Variants in FGGY observed in about 807,000 individuals in gnomAD.
FGGY encodes FGGY carbohydrate kinase domain containing, also known as FGGY carbohydrate kinase domain-containing protein.
A neutral mutation model predicts 71.3 loss-of-function variants in FGGY; 72 were observed. That is an observed-to-expected ratio of 1.01 (90% CI 0.84 to 1.23). The LOEUF (loss-of-function observed/expected upper bound fraction) is 1.23, where lower values mean the gene tolerates loss of function less well. Among genes scored for constraint, FGGY ranks in the 50% most tolerant of loss-of-function variants. The probability of loss-of-function intolerance (pLI) is 0.00; values close to 1 mark genes in which losing one functional copy is unlikely to be tolerated. For missense variants in FGGY, 668 were observed against 682.3 expected, an observed-to-expected ratio of 0.98 and a Z score of 0.23; for synonymous variants, 251 against 250.3, an observed-to-expected ratio of 1.00 and a Z score of -0.02.
intron 14 of FGGY, among the ~76,000 whole-genome samples, chr1:59,751,061 G>A (rs2098241226): frequency 2.6e-5 from 4 of 152,206 alleles, no homozygotes; most frequent in Admixed American, 2.6e-4. Flanking sequence ...TTTCATGACA[G>A]GGAGAATGGT....
intron 5 of FGGY, among the ~76,000 whole-genome samples, chr1:59,384,811 T>TA (rs992217732): frequency 2.0e-5 from 3 of 152,140 alleles, no homozygotes; most frequent in Non-Finnish European, 2.9e-5. Context: ...GTTCTTTTAA[T>TA]AAAAAAAATC....
At chr1:59,602,540 T>C (rs977567418) in intron 8 of FGGY, among the ~76,000 whole-genome samples, 2 of 152,234 alleles carry the variant, frequency 1.3e-5, no homozygotes, top group Non-Finnish European at 2.9e-5. Flanking sequence ...GATGCAAAAC[T>C]ATACCCATCC....
chr1:59,429,291 A>T (rs1302079965), intron 5 of FGGY, among the ~76,000 whole-genome samples: 2 of 152,170 alleles, frequency 1.3e-5, no homozygotes, highest in East Asian at 3.9e-4. Context: ...AAAAAATAAT[A>T]AATATACATG....
At chr1:59,363,435 A>G (rs1197173946) in intron 4 of FGGY, among the ~76,000 whole-genome samples, 1 of 152,200 alleles carries the variant, frequency 6.6e-6, no homozygotes, top group African/African-American at 2.4e-5. Context: ...TGTTCATTTG[A>G]TCCCCCATCA....
chr1:59,664,289 G>C (rs1168238621), intron 12 of FGGY, among the ~76,000 whole-genome samples: 1 of 152,202 alleles, frequency 6.6e-6, no homozygotes, highest in Non-Finnish European at 1.5e-5. Flanking sequence ...ATTTCAGTAG[G>C]GTGGAGTATT....
At chr1:59,446,775 T>C (rs922088602) in intron 5 of FGGY, among the ~76,000 whole-genome samples, 2 of 152,202 alleles carry the variant, frequency 1.3e-5, no homozygotes, top group Non-Finnish European at 2.9e-5. Context: ...GCTGGTTCGA[T>C]TGAGACTCTC....
intron 5 of FGGY, among the ~76,000 whole-genome samples, chr1:59,407,052 A>G (rs1212836859): frequency 1.3e-5 from 2 of 152,132 alleles, no homozygotes; most frequent in Non-Finnish European, 2.9e-5. Context: ...AAGGCAAGAG[A>G]AAGAGAAGCT....
intron 8 of FGGY, among the ~76,000 whole-genome samples, chr1:59,592,683 G>T (rs1198011885): frequency 6.7e-6 from 1 of 150,150 alleles, no homozygotes; most frequent in East Asian, 2.0e-4. Flanking sequence ...ACTATAGCAA[G>T]AACAAAAGAC....
In FGGY at chr1:59,554,149, GCA is replaced by G. The variant is rs1427477020; in HGVS notation, c.827_828del (p.His276ArgfsTer5). 5 of 1,612,776 alleles carry G rather than the reference GCA, an allele frequency of 3.1e-6. No homozygotes were observed. Among genetic ancestry groups the G allele is most frequent in the Non-Finnish European group, 4.2e-6 (5 of 1,178,932 alleles). ...GAGTGATTGGGGCAGATGTGAGAGGGCACGGCCTCATCTGTGAGGGGCAGCCA... is the reference window on the plus strand; with the variant it reads ...GAGTGATTGGGGCAGATGTGAGAGGGCGGCCTCATCTGTGAGGGGCAGCCA... The part of the protein sequence containing the change: ...LGVIGADVRG[H>X]GLICEGQPVT... On this transcript the variant is annotated frameshift_variant, in exon 8 of 16. Transcript: ENST00000303721. LOFTEE classifies it high-confidence loss of function.
At position 59,512,352 on chromosome 1, in the gene FGGY, C is replaced by T. The variant is rs374855684; in HGVS notation, c.712C>T (p.Leu238Phe). Residue 238 changes from leucine to phenylalanine, a missense_variant, in exon 7 of 16, where the codon CTC (leucine) becomes TTC (phenylalanine). Leu to Phe is a conservative substitution (Grantham distance 22). This residue lies in a region of FGGY where 661 missense variants were observed against 661.6 expected (regional missense o/e 1.00). Transcript: ENST00000303721. ...TCCTGGAGCTTCTCTTGGAAATGGGCTCACACCAGAGGCAGCAAGAGACCT... is the reference window on the plus strand; with the variant it reads ...TCCTGGAGCTTCTCTTGGAAATGGGTTCACACCAGAGGCAGCAAGAGACCT... ...LPPGASLGNG[L>F]TPEAARDLGL... 1.2e-5 allele frequency: 19 copies of T among 1,613,350 alleles called. No homozygotes were observed. In the African/African-American group the frequency reaches 2.5e-4, roughly 22 times the overall value.
At chr1:59,385,033 A>T (rs1051437427) in intron 5 of FGGY, among the ~76,000 whole-genome samples, 7 of 152,144 alleles carry the variant, frequency 4.6e-5, no homozygotes, top group Non-Finnish European at 7.4e-5. Flanking sequence ...GGTCTTTTTT[A>T]AAAATACGTT....
intron 2 of FGGY, among the ~76,000 whole-genome samples, chr1:59,333,129 A>G (rs2048824518): frequency 6.6e-6 from 1 of 152,224 alleles, no homozygotes; most frequent in Non-Finnish European, 1.5e-5. Context: ...TTTGGACACC[A>G]CATCCTGTGT....
intron 9 of FGGY, 57 bp downstream of exon 9, chr1:59,607,967 A>G (rs1401867320): frequency 1.4e-6 from 2 of 1,408,292 alleles, no homozygotes; most frequent in Non-Finnish European, 1.0e-6. Context: ...TGATTAGTCC[A>G]TTTTGTCACA....
At chr1:59,600,160 G>T (rs1241840192) in intron 8 of FGGY, among the ~76,000 whole-genome samples, 3 of 152,114 alleles carry the variant, frequency 2.0e-5, no homozygotes, top group Admixed American at 1.3e-4. Flanking sequence ...AATGATGAAG[G>T]GCTGGACTAA....
intron 14 of FGGY, among the ~76,000 whole-genome samples, chr1:59,733,994 G>C (rs1188384092): frequency 6.6e-6 from 1 of 152,188 alleles, no homozygotes; most frequent in Non-Finnish European, 1.5e-5. Flanking sequence ...GGTGACAGTA[G>C]CTCTGGCTTC....
At chr1:59,612,337 A>T (rs200794536) in intron 9 of FGGY, among the ~76,000 whole-genome samples, 2 of 152,238 alleles carry the variant, frequency 1.3e-5, no homozygotes, top group Non-Finnish European at 2.9e-5. Flanking sequence ...GTGGGGGCCA[A>T]TATTCAACAT....
chr1:59,302,707 G>GAA (rs148776218), intron 1 of FGGY, among the ~76,000 whole-genome samples: 1 of 149,460 alleles, frequency 6.7e-6, no homozygotes, highest in African/African-American at 2.5e-5. Context: ...AAGAGGATTA[G>GAA]AAAAAAAAAT....
chr1:59,517,186 C>T (rs11811756), intron 7 of FGGY, among the ~76,000 whole-genome samples: 7,607 of 151,494 alleles, frequency 0.05, 242 homozygotes, highest in East Asian at 0.13. Flanking sequence ...TTGGCTCCAG[C>T]ACCCCAACTG....
chr1:59,428,749 G>A (rs867070644), intron 5 of FGGY, among the ~76,000 whole-genome samples: 14 of 152,182 alleles, frequency 9.2e-5, no homozygotes, highest in Non-Finnish European at 1.9e-4. Flanking sequence ...CCAAGGTCAC[G>A]TGGCTGGGAA....
Sources: gnomAD v4.1 joint callset for allele counts (sites outside exome capture counted in the v4.1 genomes callset) on GRCh38, gnomAD v4.1.1 for gene constraint, gnomAD v4.1.1 regional missense constraint, MANE v1.5 for transcripts, NCBI Gene and HGNC (gene_info 2026-07-23, HGNC 2026-07-21) for gene names.